SMCHD1: variants seen among roughly 807,000 people sequenced by gnomAD.
The protein encoded by SMCHD1 is structural maintenance of chromosomes flexible hinge domain containing 1.
Under a neutral mutation model 254.7 loss-of-function variants are expected in SMCHD1, and 78 were observed. The ratio of observed to expected loss-of-function variants is 0.31; its 90% confidence interval spans 0.26 to 0.37. The LOEUF (loss-of-function observed/expected upper bound fraction) is 0.37. Among genes scored for constraint, SMCHD1 ranks in the 10% least tolerant of loss-of-function variants. The pLI is 1.00. For missense variants in SMCHD1, 1,840 were observed against 2,408.1 expected (o/e 0.76, Z 4.94); for synonymous variants, 766 against 794.9 (o/e 0.96, Z 0.61).
intron 35 of SMCHD1, among the ~76,000 whole-genome samples, chr18:2,761,304 A>G (rs567995558): frequency 5.3e-5 from 8 of 152,284 alleles, no homozygotes; most frequent in East Asian, 3.9e-4. Context: ...AAAACTACCT[A>G]TTAGGTACTG....
chr18:2,720,842 C>T (rs2074911020), intron 19 of SMCHD1, among the ~76,000 whole-genome samples: 1 of 152,154 alleles, frequency 6.6e-6, no homozygotes, highest in African/African-American at 2.4e-5. Flanking sequence ...GCCTTGAACT[C>T]CTGGGCTCAA....
Position 2,688,667 on chromosome 18 carries a change from C to T in SMCHD1, c.793C>T (p.Leu265Phe). Residue 265 changes from leucine to phenylalanine, a missense_variant, in exon 7 of 48, where the codon CTT (leucine) becomes TTT (phenylalanine). Coordinates refer to ENST00000320876, the MANE Select transcript of SMCHD1 (RefSeq NM_015295.3). ...TGCAGATTCCCAAGATGTTCACGAG[C>T]TTGTGCTTTCTAAAGAAGATTTTGA... Reference protein sequence around the residue: ...KPADSQDVHELVLSKEDFEKK... With the variant: ...KPADSQDVHEFVLSKEDFEKK... 6.4e-7 allele frequency: 1 copy of T among 1,560,276 alleles called. No homozygotes were observed. Among genetic ancestry groups the T allele is most frequent in the Non-Finnish European group, 8.7e-7 (1 of 1,150,538 alleles).
At position 2,748,378 on chromosome 18, in the gene SMCHD1, G is replaced by A. The variant is rs866944495; in HGVS notation, c.3927+731G>A. Among the ~76,000 whole-genome samples, 404 of 55,818 alleles carry A rather than the reference G, an allele frequency of 7.2e-3. 21 individuals are homozygous for A. The highest frequency in any genetic ancestry group is 0.014 in the Middle Eastern group (2 of 140). 36.6% of individuals were successfully genotyped at this position (55,818 alleles called of 152,430 possible). On this transcript the variant is annotated intron_variant, in intron 30 of 47. Coordinates refer to ENST00000320876, the MANE Select transcript of SMCHD1 (RefSeq NM_015295.3). ...TGTGTGTGTGTGTGTGTGTGTGTGT[G>A]TGTGTATATAAATTTTTTTTTTTTT...
At chr18:2,684,410 G>A (rs2073994073) in intron 5 of SMCHD1, among the ~76,000 whole-genome samples, 1 of 152,008 alleles carries the variant, frequency 6.6e-6, no homozygotes, top group Non-Finnish European at 1.5e-5. Context: ...TTTCTCTGGT[G>A]TTAATATATT....
intron 1 of SMCHD1, among the ~76,000 whole-genome samples, chr18:2,658,955 T>C (rs62084175): frequency 7.2e-6 from 1 of 139,752 alleles, no homozygotes; most frequent in Non-Finnish European, 1.6e-5. Flanking sequence ...TACACACACA[T>C]ATATATATTT....
At chr18:2,678,822 GTTTTTTTTTTTT>G (rs572937755) in intron 5 of SMCHD1, among the ~76,000 whole-genome samples, 3 of 144,672 alleles carry the variant, frequency 2.1e-5, no homozygotes, top group Non-Finnish European at 4.5e-5. Context: ...TCCGTTTTTT[GTTTTTTTTTTTT>G]TTTTGTTTGT....
intron 3 of SMCHD1, among the ~76,000 whole-genome samples, chr18:2,671,509 G>A (rs1013842010): frequency 1.5e-5 from 2 of 133,738 alleles, no homozygotes. Flanking sequence ...GTACATTCCC[G>A]GGTCTTTCCC....
At chr18:2,740,850 T>G (rs2075336607) in intron 28 of SMCHD1, 29 bp downstream of exon 28, 1 of 1,387,368 alleles carries the variant, frequency 7.2e-7, no homozygotes. Flanking sequence ...CCATTTTGGT[T>G]TGATTTATTC....
In SMCHD1 at chr18:2,655,843, G is replaced by A. The variant is rs1483465169; in HGVS notation, c.-233G>A. On this transcript the variant is annotated 5_prime_UTR_variant, in exon 1 of 48. Transcript: ENST00000320876. ...CGCGCGTCCCCTTCTCCTCAGGAGT[G>A]GCGGGCCGCGGAAGTGACGTGGTGC... is the stretch of plus-strand genomic sequence containing the variant. 5.7e-6 allele frequency: 2 copies of A among 348,264 alleles called. No homozygotes were observed. The highest frequency in any genetic ancestry group is 4.3e-5 in the East Asian group (1 of 23,420). The allele number at this position is 348,264 out of a possible 1,614,324, so 21.6% of individuals were successfully genotyped here.
Position 2,726,486 on chromosome 18 carries a change from A to C in SMCHD1, c.2735A>C (p.Lys912Thr). 6.6e-7 allele frequency: 1 copy of C among 1,506,042 alleles called. No homozygotes were observed. Among genetic ancestry groups the C allele is most frequent in the Non-Finnish European group, 9.0e-7 (1 of 1,116,416 alleles). The allele number at this position is 1,506,042 out of a possible 1,614,324, so 93.3% of individuals were successfully genotyped here. A position where few individuals can be genotyped will look rare whatever the true frequency, so the allele number is the denominator to read the frequency against. Residue 912 changes from lysine to threonine, a missense_variant, in exon 22 of 48, where the codon AAA (lysine) becomes ACA (threonine). Lys to Thr is a moderately conservative substitution (Grantham distance 78, BLOSUM62 -1). Coordinates refer to ENST00000320876, the MANE Select transcript of SMCHD1 (RefSeq NM_015295.3). ...YNLKVTLPGLKEDSQILKIRL... is the reference protein window; with the variant it reads ...YNLKVTLPGLTEDSQILKIRL... Reference sequence around the variant, plus strand: ...CTGAAGGTTACTCTGCCTGGCTTAAAAGAAGACTCACAGATTTTGAAAATT... The same window carrying C: ...CTGAAGGTTACTCTGCCTGGCTTAACAGAAGACTCACAGATTTTGAAAATT...
intron 22 of SMCHD1, 94 bp from the exon 23 acceptor site, chr18:2,728,363 T>C: frequency 8.2e-7 from 1 of 1,221,134 alleles, no homozygotes; most frequent in Non-Finnish European, 1.1e-6. Context: ...TTATAAAATA[T>C]TAAGTCTTTA....
chr18:2,756,464 A>G (rs2075679464), intron 34 of SMCHD1, among the ~76,000 whole-genome samples: 1 of 152,208 alleles, frequency 6.6e-6, no homozygotes, highest in African/African-American at 2.4e-5. Flanking sequence ...AGATTCATCA[A>G]CGAAGCCATC....
At chr18:2,675,046 A>G (rs182990456) in intron 5 of SMCHD1, among the ~76,000 whole-genome samples, 80 of 152,308 alleles carry the variant, frequency 5.3e-4, no homozygotes, top group Admixed American at 4.3e-3. Context: ...CTTGCCACTT[A>G]CTAATCGTGT....
intron 25 of SMCHD1, among the ~76,000 whole-genome samples, chr18:2,735,868 A>G (rs770414694): frequency 6.6e-6 from 1 of 152,194 alleles, no homozygotes; most frequent in Non-Finnish European, 1.5e-5. Context: ...TTCCTATCAA[A>G]CTACTGTCAT....
chr18:2,747,019 C>T (rs371435188), intron 29 of SMCHD1, among the ~76,000 whole-genome samples: 1 of 152,244 alleles, frequency 6.6e-6, no homozygotes. Flanking sequence ...GCTTTTAATG[C>T]ACAATAGCAG....
At chr18:2,783,178 T>C (rs1279628091) in intron 44 of SMCHD1, among the ~76,000 whole-genome samples, 1 of 152,272 alleles carries the variant, frequency 6.6e-6, no homozygotes, top group South Asian at 2.1e-4. Context: ...TGTTGAGACA[T>C]GTAAGTTTAC....
intron 4 of SMCHD1, 147 bp downstream of exon 4, chr18:2,673,510 G>GT (rs2073666999): frequency 3.1e-6 from 2 of 642,904 alleles, no homozygotes; most frequent in Non-Finnish European, 2.4e-6. Context: ...ATTTTTTCAC[G>GT]TTTTTTTCCT....
chr18:2,696,817 A>G (rs192929913), intron 8 of SMCHD1, among the ~76,000 whole-genome samples: 44 of 152,312 alleles, frequency 2.9e-4, no homozygotes, highest in African/African-American at 1.1e-3. Flanking sequence ...GATAACTTAC[A>G]TACACTTCTT....
intron 34 of SMCHD1, among the ~76,000 whole-genome samples, chr18:2,759,417 G>A (rs1345795231): frequency 1.3e-5 from 2 of 150,514 alleles, no homozygotes; most frequent in East Asian, 1.9e-4. Context: ...TATATCCCAG[G>A]GCCTCCTTTC....
Sources: allele counts gnomAD v4.1 joint callset (sites outside exome capture counted in the v4.1 genomes callset), GRCh38; gene constraint gnomAD v4.1.1; transcripts MANE v1.5; gene names NCBI Gene and HGNC (gene_info 2026-07-23, HGNC 2026-07-21).